Variants in TRIM44 observed in about 807,000 individuals in gnomAD.
The protein encoded by TRIM44 is tripartite motif-containing protein 44.
Under a neutral mutation model 37.4 loss-of-function variants are expected in TRIM44, and 13 were observed. The ratio of observed to expected loss-of-function variants is 0.35; its 90% CI spans 0.23 to 0.55. The LOEUF is 0.55. Among genes scored for constraint, TRIM44 ranks in the 20% least tolerant of loss-of-function variants. The probability of loss-of-function intolerance (pLI) is 0.89; values close to 1 mark genes in which losing one functional copy is unlikely to be tolerated. For synonymous variants in TRIM44, 175 were observed against 157.2 expected (o/e 1.11, Z -0.85); for missense variants, 426 against 437.2 (o/e 0.97, Z 0.23).
At position 35,815,570 on chromosome 11, in the gene TRIM44, C is replaced by T. The variant is rs1853572545; in HGVS notation, c.*9185C>T. ...CTATTTTCCCCAAATTAATATTTTC[C>T]CTGGAAGATTCTGACCTGTCTGATC... On this transcript the variant is annotated 3_prime_UTR_variant, in exon 5 of 5. Transcript: ENST00000299413. 1 of 152,100 alleles carries T rather than the reference C, an allele frequency of 6.6e-6. No homozygotes were observed. Among genetic ancestry groups the T allele is most frequent in the Non-Finnish European group, 1.5e-5 (1 of 68,016 alleles). 9.4% of individuals were successfully genotyped at this position (152,100 alleles called of 1,614,324 possible). A position where few individuals can be genotyped will look rare whatever the true frequency, so the allele number is the denominator to read the frequency against.
rs747925236 is a variant in TRIM44 at position 35,725,946 on chromosome 11, T to C, written c.770T>C (p.Met257Thr). 4 of 1,614,120 alleles carry C rather than the reference T, an allele frequency of 2.5e-6. No individual in the cohort carries two copies. The highest frequency in any genetic ancestry group is 8.5e-7 in the Non-Finnish European group (1 of 1,179,996). Residue 257 changes from methionine to threonine, a missense_variant, in exon 3 of 5, where the codon ATG becomes ACG. By Grantham distance (81) the Met-to-Thr change is moderately conservative. This residue lies in a region of TRIM44 where 95 missense variants were observed against 134.2 expected (regional missense o/e 0.71). Transcript: ENST00000299413. The part of the protein sequence containing the change: ...DPKVTRDQMK[M>T]FIQQEFKKVQ... ...AAGGTAACTCGGGACCAAATGAAGA[T>C]GTTTATACAGCAGGAATTTAAGAAA...
intron 1 of TRIM44, among the ~76,000 whole-genome samples, chr11:35,678,562 T>G (rs879367752): frequency 3.3e-5 from 5 of 152,138 alleles, no homozygotes; most frequent in Admixed American, 6.5e-5. Flanking sequence ...CTTTCTGATT[T>G]GATTCCTTAG....
At chr11:35,788,304 C>T in intron 4 of TRIM44, among the ~76,000 whole-genome samples, 1 of 152,146 alleles carries the variant, frequency 6.6e-6, no homozygotes, top group East Asian at 1.9e-4. Context: ...GACTTGTTAA[C>T]AGCCATTTAA....
At chr11:35,707,597 G>C (rs1400851020) in intron 2 of TRIM44, among the ~76,000 whole-genome samples, 2 of 147,872 alleles carry the variant, frequency 1.4e-5, no homozygotes, top group African/African-American at 2.4e-5. Context: ...AGAGCCCTCA[G>C]AAATAACGCC....
At chr11:35,692,977 A>T (rs1851654434) in intron 2 of TRIM44, among the ~76,000 whole-genome samples, 2 of 152,122 alleles carry the variant, frequency 1.3e-5, no homozygotes, top group Admixed American at 6.6e-5. Context: ...TAGGGACTTT[A>T]ATTGAGCAAT....
intron 2 of TRIM44, among the ~76,000 whole-genome samples, chr11:35,701,848 T>G (rs977671243): frequency 6.6e-5 from 10 of 152,230 alleles, no homozygotes; most frequent in Non-Finnish European, 1.3e-4. Flanking sequence ...TTAACCAGTT[T>G]GCACAGAGAG....
At chr11:35,758,534 C>T (rs1025263937) in intron 4 of TRIM44, among the ~76,000 whole-genome samples, 4 of 152,094 alleles carry the variant, frequency 2.6e-5, no homozygotes, top group African/African-American at 9.7e-5. Flanking sequence ...GAATTTGATC[C>T]TGTCTTTATG....
chr11:35,715,176 T>C (rs1259829355), intron 2 of TRIM44, among the ~76,000 whole-genome samples: 4 of 152,196 alleles, frequency 2.6e-5, no homozygotes, highest in African/African-American at 9.7e-5. Context: ...TTATAGCAGC[T>C]GACAGTGTGA....
rs1044758807 is a variant in TRIM44 at position 35,662,925 on chromosome 11, G to A, written c.-187G>A. On this transcript the variant is annotated 5_prime_UTR_variant, in exon 1 of 5. Transcript: ENST00000299413. The stretch of plus-strand genomic sequence containing the variant: ...GCGGAGCAGGCCGAGCCGGCGGAAA[G>A]GGTCTTTGCTGCTGCGCCCGGGCAG... The A allele has an allele frequency of 2.5e-5, 25 of 985,294 alleles. No individual in the cohort carries two copies. The highest frequency in any genetic ancestry group is 3.6e-5 in the Admixed American group (1 of 27,404). 61.0% of individuals were successfully genotyped at this position (985,294 alleles called of 1,614,324 possible). A position where few individuals can be genotyped will look rare whatever the true frequency, so the allele number is the denominator to read the frequency against.
intron 2 of TRIM44, among the ~76,000 whole-genome samples, chr11:35,689,804 C>T (rs1851620264): frequency 1.3e-5 from 2 of 152,198 alleles, no homozygotes; most frequent in South Asian, 4.1e-4. Context: ...TCCCTTCCCC[C>T]TGCCCAGTCC....
chr11:35,789,557 A>G (rs899005226), intron 4 of TRIM44, among the ~76,000 whole-genome samples: 1 of 152,240 alleles, frequency 6.6e-6, no homozygotes, highest in African/African-American at 2.4e-5. Context: ...TACTCAGTTA[A>G]TAAGTAGAAG....
chr11:35,782,560 A>G (rs989441238), intron 4 of TRIM44, among the ~76,000 whole-genome samples: 1 of 152,154 alleles, frequency 6.6e-6, no homozygotes, highest in Admixed American at 6.5e-5. Flanking sequence ...CATTTCCTTC[A>G]TGCTTGTTGC....
chr11:35,777,826 C>G (rs1463654089), intron 4 of TRIM44, among the ~76,000 whole-genome samples: 1 of 152,234 alleles, frequency 6.6e-6, no homozygotes, highest in Admixed American at 6.5e-5. Flanking sequence ...CAGAGATCCA[C>G]TGTTAGTCTG....
intron 4 of TRIM44, among the ~76,000 whole-genome samples, chr11:35,776,607 T>G (rs1392921183): frequency 6.6e-6 from 1 of 152,238 alleles, no homozygotes; most frequent in Non-Finnish European, 1.5e-5. Flanking sequence ...GTGCTATAAA[T>G]TTCCCTCTAC....
chr11:35,792,686 A>G (rs1013554503), intron 4 of TRIM44, among the ~76,000 whole-genome samples: 2 of 152,194 alleles, frequency 1.3e-5, no homozygotes, highest in African/African-American at 4.8e-5. Flanking sequence ...AACTAGGGGT[A>G]AAATAGTGAA....
chr11:35,780,522 G>A (rs1350262098), intron 4 of TRIM44, among the ~76,000 whole-genome samples: 2 of 152,186 alleles, frequency 1.3e-5, no homozygotes, highest in Admixed American at 1.3e-4. Flanking sequence ...TTAAGGACAG[G>A]CAGAGGGGAA....
chr11:35,744,893 C>T (rs1161663586), intron 4 of TRIM44, among the ~76,000 whole-genome samples: 5 of 152,200 alleles, frequency 3.3e-5, no homozygotes, highest in Non-Finnish European at 7.3e-5. Context: ...CTGAAAAGGA[C>T]ATGATCTCAT....
At chr11:35,778,655 T>G (rs1211401873) in intron 4 of TRIM44, among the ~76,000 whole-genome samples, 2 of 152,214 alleles carry the variant, frequency 1.3e-5, no homozygotes, top group African/African-American at 2.4e-5. Context: ...GTGGATGTCC[T>G]TTCTGTTTGT....
chr11:35,764,013 A>G (rs1386677743), intron 4 of TRIM44, among the ~76,000 whole-genome samples: 2 of 152,142 alleles, frequency 1.3e-5, no homozygotes, highest in African/African-American at 4.8e-5. Flanking sequence ...TTTGGAGAGA[A>G]ACTTTATGTT....
Sources: allele counts gnomAD v4.1 joint callset (sites outside exome capture counted in the v4.1 genomes callset), GRCh38; gene constraint gnomAD v4.1.1; regional missense constraint gnomAD v4.1.1; transcripts MANE v1.5; gene names NCBI Gene and HGNC (gene_info 2026-07-23, HGNC 2026-07-21).